Variants in WDR25 observed in about 807,000 individuals in gnomAD.
The protein encoded by WDR25 is WD repeat domain 25, also known as WD repeat-containing protein 25.
In WDR25, 35 loss-of-function variants were observed where a neutral mutation model predicts 47.7. The ratio of observed to expected loss-of-function variants is 0.73; its 90% CI spans 0.56 to 0.97. WDR25 has a LOEUF of 0.97. Ranked by LOEUF, WDR25 falls within the 50% of genes least tolerant of loss-of-function variation. The pLI, the probability that WDR25 is intolerant of heterozygous loss-of-function variation, is 0.00. For missense variants in WDR25, 634 were observed against 704.7 expected (o/e 0.90, Z 1.14); for synonymous variants, 248 against 278.9 (o/e 0.89, Z 1.10).
chr14:100,459,892 GTGTATA>G (rs1440572409), intron 2 of WDR25, among the ~76,000 whole-genome samples: 1 of 35,188 alleles, frequency 2.8e-5, no homozygotes, highest in Non-Finnish European at 4.6e-5. Context: ...ATGTGTGTGT[GTGTATA>G]TATATATATA....
At chr14:100,382,618 G>A (rs1202154047) in intron 2 of WDR25, among the ~76,000 whole-genome samples, 2 of 152,200 alleles carry the variant, frequency 1.3e-5, no homozygotes, top group Admixed American at 6.5e-5. Flanking sequence ...AGGTCGTTGT[G>A]CCCACCTGGG....
chr14:100,445,760 C>T (rs547492092), intron 2 of WDR25, among the ~76,000 whole-genome samples: 3 of 152,226 alleles, frequency 2.0e-5, no homozygotes, highest in Non-Finnish European at 2.9e-5. Flanking sequence ...GGGCACAGAA[C>T]GTGTTTGGAA....
Position 100,488,550 on chromosome 14 carries a change from G to A in WDR25, c.1101+4426G>A, listed in dbSNP as rs1294985389. On this transcript the variant is annotated intron_variant, in intron 4 of 6. Transcript: ENST00000402312. The surrounding 1 kb of genome is among the most constrained non-coding windows in gnomAD (Gnocchi z 4.2). ...TTGGTATCGTAAAGTGGCAGGCCAA[G>A]CCACGCCTCCAAAGTAGCGTTTCTC... Among the ~76,000 whole-genome samples, 4 of 152,120 alleles carry A rather than the reference G, an allele frequency of 2.6e-5. No individual in the cohort carries two copies. Among genetic ancestry groups the A allele is most frequent in the Non-Finnish European group, 4.4e-5 (3 of 68,026 alleles).
chr14:100,394,678 A>G (rs1041883666), intron 2 of WDR25, among the ~76,000 whole-genome samples: 1 of 152,194 alleles, frequency 6.6e-6, no homozygotes, highest in Non-Finnish European at 1.5e-5. Flanking sequence ...ACAGGAATAT[A>G]TGGGAGAGTG....
intron 2 of WDR25, among the ~76,000 whole-genome samples, chr14:100,382,410 A>G (rs1243182228): frequency 6.6e-6 from 1 of 152,154 alleles, no homozygotes; most frequent in Non-Finnish European, 1.5e-5. Context: ...GGCTCCAAGC[A>G]TGAGGGCCTG....
chr14:100,397,027 TGCTGCTGGAGGG>T (rs1205984043), intron 2 of WDR25, among the ~76,000 whole-genome samples: 1 of 152,232 alleles, frequency 6.6e-6, no homozygotes, highest in Non-Finnish European at 1.5e-5. Flanking sequence ...TCAGAGGAGA[TGCTGCTGGAGGG>T]GTGGCAAGGT....
intron 2 of WDR25, among the ~76,000 whole-genome samples, chr14:100,394,050 A>G (rs1221020951): frequency 1.3e-5 from 2 of 152,040 alleles, no homozygotes; most frequent in African/African-American, 4.8e-5. Flanking sequence ...GTGTGAAACC[A>G]CTCTGTAAAC....
intron 2 of WDR25, among the ~76,000 whole-genome samples, chr14:100,397,996 A>C (rs939739617): frequency 3.9e-5 from 6 of 152,038 alleles, no homozygotes; most frequent in African/African-American, 1.5e-4. Flanking sequence ...GCACCACCAC[A>C]CCTGGCTAAT....
chr14:100,412,823 C>T (rs929662467), intron 2 of WDR25, among the ~76,000 whole-genome samples: 2 of 152,180 alleles, frequency 1.3e-5, no homozygotes, highest in Non-Finnish European at 2.9e-5. Flanking sequence ...TGGAAAGCTG[C>T]TGAATGGTTT....
At chr14:100,391,809 T>G (rs1421386795) in intron 2 of WDR25, among the ~76,000 whole-genome samples, 1 of 152,212 alleles carries the variant, frequency 6.6e-6, no homozygotes, top group Non-Finnish European at 1.5e-5. Flanking sequence ...CTCAAGACCC[T>G]TTCAGGGGGT....
At chr14:100,516,737 T>C (rs1015416469) in intron 4 of WDR25, among the ~76,000 whole-genome samples, 2 of 152,186 alleles carry the variant, frequency 1.3e-5, no homozygotes, top group African/African-American at 4.8e-5. Flanking sequence ...CTTTTACTTA[T>C]AAGCTATGTA....
At position 100,500,852 on chromosome 14, in the gene WDR25, A is replaced by G. The variant is rs1189271465; in HGVS notation, c.1101+16728A>G. ...GTGCCTCCGCTATAAAGTAAGGGAAACCAATTTTTCACTTGAGAGGATCAA... is the reference window on the plus strand; with the variant it reads ...GTGCCTCCGCTATAAAGTAAGGGAAGCCAATTTTTCACTTGAGAGGATCAA... On this transcript the variant is annotated intron_variant, in intron 4 of 6. Coordinates refer to ENST00000402312, the MANE Select transcript of WDR25 (RefSeq NM_001161476.3). This position sits in a 1 kb window ranked among gnomAD's most constrained non-coding sequence, Gnocchi z 4.7. 6.6e-6 allele frequency among the ~76,000 whole-genome samples: 1 copy of G among 152,100 alleles called. No homozygotes were observed. Among genetic ancestry groups the G allele is most frequent in the Non-Finnish European group, 1.5e-5 (1 of 68,018 alleles).
At chr14:100,452,575 G>A (rs1899070540) in intron 2 of WDR25, among the ~76,000 whole-genome samples, 1 of 152,124 alleles carries the variant, frequency 6.6e-6, no homozygotes, top group Non-Finnish European at 1.5e-5. Context: ...AGGTGCCCAG[G>A]CCTTGAGGGG....
At chr14:100,508,271 C>A (rs1901183515) in intron 4 of WDR25, among the ~76,000 whole-genome samples, 1 of 152,102 alleles carries the variant, frequency 6.6e-6, no homozygotes, top group South Asian at 2.1e-4. Context: ...AAGGAACATA[C>A]CTTAAAATAA....
chr14:100,525,818 C>A lies in WDR25; in HGVS notation c.1102-52C>A, dbSNP rs114059165. On this transcript the variant is annotated intron_variant, in intron 4 of 6. Transcript: ENST00000402312. The surrounding 1 kb of genome is among the most constrained non-coding windows in gnomAD (Gnocchi z 4.6). Reference sequence around the variant, plus strand: ...GGGTCCTTGGCCTTCCCTGCATAGGCGCCTGTCCGTGCTGCCAGGCCTGCC... The same window carrying A: ...GGGTCCTTGGCCTTCCCTGCATAGGAGCCTGTCCGTGCTGCCAGGCCTGCC... 3 of 1,597,408 alleles carry A rather than the reference C, an allele frequency of 1.9e-6. No individual in the cohort carries two copies. The highest frequency in any genetic ancestry group is 3.4e-5 in the Admixed American group (2 of 58,974).
intron 3 of WDR25, 64 bp from the exon 4 acceptor site, chr14:100,483,930 T>C (rs183181676): frequency 1.3e-6 from 2 of 1,537,590 alleles, no homozygotes; most frequent in African/African-American, 1.4e-5. Context: ...GGCATCTTAG[T>C]TTTAAGATAT....
At chr14:100,423,395 T>A (rs1009610485) in intron 2 of WDR25, among the ~76,000 whole-genome samples, 4 of 152,180 alleles carry the variant, frequency 2.6e-5, no homozygotes, top group African/African-American at 9.7e-5. Flanking sequence ...GCTTCCTCCT[T>A]GGGCCACATA....
chr14:100,442,431 G>T (rs2140248663), intron 2 of WDR25, among the ~76,000 whole-genome samples: 1 of 152,298 alleles, frequency 6.6e-6, no homozygotes, highest in South Asian at 2.1e-4. Context: ...TTGTGGATAA[G>T]CAACATTTCA....
intron 3 of WDR25, among the ~76,000 whole-genome samples, chr14:100,474,012 C>A (rs571843073): frequency 6.6e-6 from 1 of 152,286 alleles, no homozygotes; most frequent in African/African-American, 2.4e-5. Flanking sequence ...TGCCACTGAT[C>A]CAGAAGTGAA....
Sources: allele counts gnomAD v4.1 joint callset (sites outside exome capture counted in the v4.1 genomes callset), GRCh38; gene constraint gnomAD v4.1.1; non-coding constraint Gnocchi (gnomAD v3.1); transcripts MANE v1.5; gene names NCBI Gene and HGNC (gene_info 2026-07-23, HGNC 2026-07-21).